SH3RF1: variants seen among roughly 807,000 people sequenced by gnomAD.
SH3RF1 encodes E3 ubiquitin-protein ligase SH3RF1.
SH3RF1 carries 32 observed loss-of-function variants against 74.0 expected under a neutral mutation model. That is an observed-to-expected ratio of 0.43 (90% CI 0.33 to 0.58). SH3RF1 has a LOEUF of 0.58. SH3RF1 is among the 20% of genes least tolerant of loss of function. The pLI is 0.05. For missense variants in SH3RF1, 954 were observed against 1,130.9 expected, an observed-to-expected ratio of 0.84 and a Z score of 2.24; for synonymous variants, 396 against 439.6, an observed-to-expected ratio of 0.90 and a Z score of 1.24.
intron 2 of SH3RF1, among the ~76,000 whole-genome samples, chr4:169,259,517 T>A (rs570237555): frequency 6.6e-6 from 1 of 152,264 alleles, no homozygotes; most frequent in South Asian, 2.1e-4. Flanking sequence ...TTGGCAGACA[T>A]ATACGCGACA....
intron 6 of SH3RF1, among the ~76,000 whole-genome samples, chr4:169,125,198 G>A (rs1445685185): frequency 1.3e-5 from 2 of 151,878 alleles, no homozygotes; most frequent in Non-Finnish European, 1.5e-5. Context: ...TGGCCTTTGG[G>A]GTCAAAAAAA....
chr4:169,152,725 G>A (rs961195077), intron 4 of SH3RF1, among the ~76,000 whole-genome samples: 18 of 152,244 alleles, frequency 1.2e-4, no homozygotes, highest in African/African-American at 3.1e-4. Flanking sequence ...CAACAAGAGC[G>A]AAACTCTATC....
intron 2 of SH3RF1, among the ~76,000 whole-genome samples, chr4:169,232,199 G>A (rs1730754743): frequency 6.6e-6 from 1 of 152,322 alleles, no homozygotes; most frequent in Admixed American, 6.5e-5. Flanking sequence ...CAGGCTCTTG[G>A]AGACAGTGCC....
At chr4:169,225,850 A>T (rs1430481627) in intron 2 of SH3RF1, among the ~76,000 whole-genome samples, 1 of 152,166 alleles carries the variant, frequency 6.6e-6, no homozygotes, top group Non-Finnish European at 1.5e-5. Context: ...TTGCAGGATG[A>T]TATGACCCAC....
In SH3RF1 at chr4:169,116,641, G is replaced by C. The variant is rs888413206; in HGVS notation, c.1778-11C>G. 6.6e-6 allele frequency: 10 copies of C among 1,519,840 alleles called. No homozygotes were observed. The highest frequency in any genetic ancestry group is 2.0e-5 in the Admixed American group (1 of 48,826). 94.1% of individuals were successfully genotyped at this position (1,519,840 alleles called of 1,614,324 possible). On this transcript the variant is annotated splice_polypyrimidine_tract_variant and intron_variant, in intron 9 of 11. Transcript: ENST00000284637. ...GGTTGTGCGCTGCAACTAGTAGATG[G>C]GAAGAGGGAACACAGCAAAATTCAA... is the stretch of plus-strand genomic sequence containing the variant.
rs1237293506 is a variant in SH3RF1 at position 169,096,294 on chromosome 4, G to A, written c.*225C>T. ...GTTTCTCTGTGTAGTAAATCAGACA[G>A]TACAAGGCACACCTTATACATCCGA... On this transcript the variant is annotated 3_prime_UTR_variant, in exon 12 of 12. Transcript: ENST00000284637. 5.9e-6 allele frequency: 3 copies of A among 512,512 alleles called. No individual in the cohort carries two copies. Among genetic ancestry groups the A allele is most frequent in the African/African-American group, 3.9e-5 (2 of 51,064 alleles). 31.7% of individuals were successfully genotyped at this position (512,512 alleles called of 1,614,324 possible).
chr4:169,239,461 C>T (rs1210116785), intron 2 of SH3RF1, among the ~76,000 whole-genome samples: 1 of 152,168 alleles, frequency 6.6e-6, no homozygotes, highest in Non-Finnish European at 1.5e-5. Context: ...GACCTTGGAA[C>T]TAGTCACTGT....
intron 2 of SH3RF1, among the ~76,000 whole-genome samples, chr4:169,218,877 T>C (rs868050): frequency 0.25 from 38,117 of 152,034 alleles, 5,170 homozygotes; most frequent in Non-Finnish European, 0.32. Flanking sequence ...AATTTTGCTT[T>C]AAGTAATTAG....
intron 2 of SH3RF1, among the ~76,000 whole-genome samples, chr4:169,197,339 AC>A (rs1373338975): frequency 6.6e-6 from 1 of 151,914 alleles, no homozygotes; most frequent in Non-Finnish European, 1.5e-5. Flanking sequence ...AAAAAAGCCC[AC>A]CCAGCAGGGC....
At chr4:169,123,887 G>A (rs548343066) in intron 6 of SH3RF1, among the ~76,000 whole-genome samples, 5 of 150,026 alleles carry the variant, frequency 3.3e-5, no homozygotes, top group African/African-American at 9.9e-5. Context: ...GCAAGACTCC[G>A]TCTCAAAAAA....
At chr4:169,120,295 T>C (rs1579091610) in intron 8 of SH3RF1, among the ~76,000 whole-genome samples, 1 of 152,330 alleles carries the variant, frequency 6.6e-6, no homozygotes, top group South Asian at 2.1e-4. Context: ...ACCAAGTTAA[T>C]GAAATAAATA....
At chr4:169,179,753 C>G (rs554730678) in intron 2 of SH3RF1, among the ~76,000 whole-genome samples, 135 of 152,350 alleles carry the variant, frequency 8.9e-4, no homozygotes, top group African/African-American at 3.0e-3. Flanking sequence ...CTTTGAACTA[C>G]ATTTGCTTCC....
At chr4:169,145,195 A>G (rs563753791) in intron 4 of SH3RF1, among the ~76,000 whole-genome samples, 84 of 152,332 alleles carry the variant, frequency 5.5e-4, no homozygotes, top group African/African-American at 1.9e-3. Flanking sequence ...GTGTCCATCA[A>G]CGGTCTACTG....
At chr4:169,219,165 G>A (rs1285359047) in intron 2 of SH3RF1, among the ~76,000 whole-genome samples, 1 of 152,174 alleles carries the variant, frequency 6.6e-6, no homozygotes, top group Non-Finnish European at 1.5e-5. Context: ...AACAGTGGAA[G>A]AAGGAACAAC....
chr4:169,125,309 G>C (rs1350320812), intron 6 of SH3RF1, among the ~76,000 whole-genome samples: 5 of 152,114 alleles, frequency 3.3e-5, no homozygotes, highest in Non-Finnish European at 7.4e-5. Context: ...TCTCTGAGTG[G>C]GCAGCATTTC....
At chr4:169,266,426 G>A (rs1355479706) in intron 2 of SH3RF1, among the ~76,000 whole-genome samples, 2 of 152,228 alleles carry the variant, frequency 1.3e-5, no homozygotes, top group South Asian at 4.2e-4. Context: ...TAAGGGAAGC[G>A]TCCAAAGAAG....
chr4:169,148,828 T>C (rs1733932497), intron 4 of SH3RF1, among the ~76,000 whole-genome samples: 1 of 152,222 alleles, frequency 6.6e-6, no homozygotes, highest in African/African-American at 2.4e-5. Flanking sequence ...AGGTGAGCTT[T>C]CTATACAGAC....
chr4:169,162,245 AT>A (rs1444451116), intron 2 of SH3RF1, among the ~76,000 whole-genome samples: 1 of 152,264 alleles, frequency 6.6e-6, no homozygotes, highest in African/African-American at 2.4e-5. Flanking sequence ...CTGTCAAGAT[AT>A]AATAACAGTA....
intron 2 of SH3RF1, among the ~76,000 whole-genome samples, chr4:169,188,694 T>G (rs749451347): frequency 7.2e-5 from 11 of 152,224 alleles, no homozygotes; most frequent in Admixed American, 6.5e-4. Flanking sequence ...TTCTGGCTTA[T>G]GTAACAATTT....
Sources: allele counts gnomAD v4.1 joint callset (sites outside exome capture counted in the v4.1 genomes callset), GRCh38; gene constraint gnomAD v4.1.1; transcripts MANE v1.5; gene names NCBI Gene and HGNC (gene_info 2026-07-23, HGNC 2026-07-21).